CSMD1: variants seen among roughly 807,000 people sequenced by gnomAD.
The protein encoded by CSMD1 is CUB and sushi domain-containing protein 1.
A neutral mutation model predicts 417.5 loss-of-function variants in CSMD1; 213 were observed. That is an observed-to-expected ratio of 0.51 (90% CI 0.46 to 0.57). CSMD1 has a LOEUF of 0.57. Ranked by LOEUF, CSMD1 falls within the 20% of genes least tolerant of loss-of-function variation. CSMD1 has a pLI of 0.00. For synonymous variants in CSMD1, 2,862 were observed against 1,736.8 expected (o/e 1.65, Z -16.11); for missense variants, 6,923 against 4,529.7 (o/e 1.53, Z -15.17).
At chr8:3,868,914 T>C (rs1282893715) in intron 5 of CSMD1, among the ~76,000 whole-genome samples, 1 of 152,116 alleles carries the variant, frequency 6.6e-6, no homozygotes, top group Non-Finnish European at 1.5e-5. Context: ...TCCAACATCC[T>C]CCCTGGCTAA....
intron 3 of CSMD1, among the ~76,000 whole-genome samples, chr8:4,102,594 T>C (rs1049064189): frequency 6.6e-6 from 1 of 152,204 alleles, no homozygotes. Context: ...TTCAATCTAA[T>C]GTAACTCATG....
At chr8:3,366,224 G>T (rs761205810) in intron 20 of CSMD1, among the ~76,000 whole-genome samples, 1 of 152,138 alleles carries the variant, frequency 6.6e-6, no homozygotes, top group South Asian at 2.1e-4. Flanking sequence ...TAGTGCAGCA[G>T]GGCCCTTTCT....
chr8:4,888,936 G>C (rs895821381), intron 1 of CSMD1, among the ~76,000 whole-genome samples: 3 of 152,110 alleles, frequency 2.0e-5, no homozygotes, highest in African/African-American at 7.3e-5. Flanking sequence ...TGAATGAGGA[G>C]AAGGGAAAAT....
At chr8:3,016,847 T>C (rs1431658291) in intron 52 of CSMD1, among the ~76,000 whole-genome samples, 1 of 152,070 alleles carries the variant, frequency 6.6e-6, no homozygotes, top group East Asian at 1.9e-4. Context: ...TGAGACATGT[T>C]TGGGGGCATC....
chr8:4,657,179 T>C (rs1201251641), intron 1 of CSMD1, among the ~76,000 whole-genome samples: 1 of 152,230 alleles, frequency 6.6e-6, no homozygotes, highest in East Asian at 1.9e-4. Context: ...CAGGGCAGAA[T>C]ACACTCTCAG....
intron 6 of CSMD1, among the ~76,000 whole-genome samples, chr8:3,745,227 T>C (rs1481123829): frequency 6.6e-6 from 1 of 152,196 alleles, no homozygotes; most frequent in Non-Finnish European, 1.5e-5. Flanking sequence ...TTGTAGACTA[T>C]GCCATGGTCA....
chr8:3,162,186 G>C lies in CSMD1; in HGVS notation c.5817C>G (p.Phe1939Leu), dbSNP rs770440780. ...GCAGGGTGTACCCGGGCTCGCACTG[G>C]AAGGAGAGCACGTCGTTCACCATGT... is the stretch of plus-strand genomic sequence containing the variant. Reference protein sequence around the residue: ...DRYMVNDVLSFQCEPGYTLQG... With the variant: ...DRYMVNDVLSLQCEPGYTLQG... The change falls in exon 38 of 70, where the codon TTC becomes TTG. Residue 1939 changes from phenylalanine to leucine, a missense_variant. Coordinates refer to ENST00000635120, the MANE Select transcript of CSMD1 (RefSeq NM_033225.6). 1.7e-5 allele frequency: 27 copies of C among 1,609,030 alleles called. No individual in the cohort carries two copies. The highest frequency in any genetic ancestry group is 8.5e-7 in the Non-Finnish European group (1 of 1,177,614).
At chr8:3,620,380 TAA>T (rs1427734972) in intron 7 of CSMD1, among the ~76,000 whole-genome samples, 1 of 151,982 alleles carries the variant, frequency 6.6e-6, no homozygotes, top group Non-Finnish European at 1.5e-5. Context: ...AAAATATATA[TAA>T]AAAAGTATTA....
rs73183960 is a variant in CSMD1, at chr8:4,042,521, C to G, written c.416-10422G>C. The stretch of plus-strand genomic sequence containing the variant: ...GTGAAAACTGAAAGCCCGTCACTAG[C>G]AGGCCCATACCACAAGGAATATTAA... On this transcript the variant is annotated intron_variant, in intron 3 of 69. Transcript: ENST00000635120. 7.8e-3 allele frequency among the ~76,000 whole-genome samples: 1,184 copies of G among 152,094 alleles called. 11 individuals are homozygous for G. Among genetic ancestry groups the G allele is most frequent in the South Asian group, 0.03 (144 of 4,804 alleles).
intron 3 of CSMD1, among the ~76,000 whole-genome samples, chr8:4,033,268 G>A (rs894795794): frequency 2.0e-5 from 3 of 151,162 alleles, no homozygotes; most frequent in Admixed American, 6.6e-5. Context: ...GTGAAACCCT[G>A]TCTCTACTAA....
At chr8:3,177,932 G>A (rs951924904) in intron 37 of CSMD1, among the ~76,000 whole-genome samples, 1 of 152,192 alleles carries the variant, frequency 6.6e-6, no homozygotes, top group Non-Finnish European at 1.5e-5. Context: ...AAAGAACGCA[G>A]AACAAGAGTG....
chr8:3,996,615 T>C (rs1008483244), intron 5 of CSMD1, among the ~76,000 whole-genome samples: 3 of 152,194 alleles, frequency 2.0e-5, no homozygotes, highest in African/African-American at 4.8e-5. Context: ...TTTAAACAAA[T>C]TCCTGAGTGT....
chr8:3,753,057 C>A (rs933358731), intron 6 of CSMD1, among the ~76,000 whole-genome samples: 1 of 152,164 alleles, frequency 6.6e-6, no homozygotes, highest in Non-Finnish European at 1.5e-5. Flanking sequence ...CTAGTTCCTG[C>A]AGCATGGAGG....
intron 1 of CSMD1, among the ~76,000 whole-genome samples, chr8:4,748,161 G>A (rs1811075477): frequency 6.6e-6 from 1 of 152,102 alleles, no homozygotes; most frequent in Admixed American, 6.6e-5. Flanking sequence ...CCCACAACAT[G>A]TTTCTACTCC....
In CSMD1 at chr8:4,358,175, A is replaced by T. The variant is rs536211285; in HGVS notation, c.415+61778T>A. 3.9e-5 allele frequency among the ~76,000 whole-genome samples: 6 copies of T among 152,282 alleles called. No individual in the cohort carries two copies. In the South Asian group the frequency reaches 6.2e-4, roughly 16 times the overall value. On this transcript the variant is annotated intron_variant, in intron 3 of 69. Transcript: ENST00000635120. The stretch of plus-strand genomic sequence containing the variant: ...TGCATGCAAAATTATGATGACGTTC[A>T]CTTTATTCAGGGATGAATGTCTTCT...
intron 3 of CSMD1, among the ~76,000 whole-genome samples, chr8:4,161,866 TTC>T (rs1584935735): frequency 6.6e-6 from 1 of 152,352 alleles, no homozygotes; most frequent in East Asian, 1.9e-4. Context: ...TAGAATTTAA[TTC>T]TTTTAGATTT....
At chr8:3,714,185 T>G (rs1382414285) in intron 6 of CSMD1, among the ~76,000 whole-genome samples, 1 of 150,452 alleles carries the variant, frequency 6.6e-6, no homozygotes, top group Non-Finnish European at 1.5e-5. Flanking sequence ...TATATGTATA[T>G]AATAAGCTCC....
chr8:4,814,217 T>C (rs747309492), intron 1 of CSMD1, among the ~76,000 whole-genome samples: 14 of 151,206 alleles, frequency 9.3e-5, no homozygotes, highest in East Asian at 3.9e-4. Flanking sequence ...TGTGTGTGTG[T>C]GCGTGTGCGT....
intron 1 of CSMD1, among the ~76,000 whole-genome samples, chr8:4,906,657 A>C (rs959288749): frequency 3.9e-5 from 6 of 152,046 alleles, no homozygotes; most frequent in Admixed American, 2.0e-4. Flanking sequence ...CCGGGGTTCA[A>C]GCAATTCTCC....
Sources: gnomAD v4.1 joint callset for allele counts (sites outside exome capture counted in the v4.1 genomes callset) on GRCh38, gnomAD v4.1.1 for gene constraint, MANE v1.5 for transcripts, NCBI Gene and HGNC (gene_info 2026-07-23, HGNC 2026-07-21) for gene names.